The following DAB1 variants were observed in gnomAD, a reference collection of about 807,000 sequenced individuals.
DAB1 encodes the protein DAB adaptor protein 1, also known as disabled homolog 1.
A neutral mutation model predicts 64.6 loss-of-function variants in DAB1; 15 were observed. That is an observed-to-expected ratio of 0.23 (90% confidence interval 0.16 to 0.36). The LOEUF (loss-of-function observed/expected upper bound fraction) is 0.36, where lower values mean the gene tolerates loss of function less well. Ranked by LOEUF, DAB1 falls within the 10% of genes least tolerant of loss-of-function variation. The probability of loss-of-function intolerance (pLI) is 1.00; values close to 1 mark genes in which losing one functional copy is unlikely to be tolerated. For synonymous variants in DAB1, 235 were observed against 251.9 expected, an observed-to-expected ratio of 0.93 and a Z score of 0.64; for missense variants, 596 against 706.7, an observed-to-expected ratio of 0.84 and a Z score of 1.78.
intron 7 of DAB1, among the ~76,000 whole-genome samples, chr1:57,440,668 A>G (rs981141849): frequency 6.6e-6 from 1 of 152,190 alleles, no homozygotes; most frequent in East Asian, 1.9e-4. Flanking sequence ...CTGCCTTCTT[A>G]TATTTAGGGT....
At chr1:57,029,187 C>A (rs1009876072) in intron 9 of DAB1, among the ~76,000 whole-genome samples, 9 of 152,144 alleles carry the variant, frequency 5.9e-5, no homozygotes, top group East Asian at 1.9e-4. Context: ...TGAAAGGGAC[C>A]AATGTACAGC....
At chr1:57,182,155 G>A (rs1663033648) in intron 2 of DAB1, among the ~76,000 whole-genome samples, 1 of 152,154 alleles carries the variant, frequency 6.6e-6, no homozygotes, top group African/African-American at 2.4e-5. Context: ...AAATTGTTGG[G>A]ATTACAGGTG....
At chr1:58,020,898 G>A (rs987730164) in intron 5 of DAB1, among the ~76,000 whole-genome samples, 16 of 152,132 alleles carry the variant, frequency 1.1e-4, no homozygotes, top group African/African-American at 3.9e-4. Context: ...AGCTACTTGC[G>A]AGGCTGAGGC....
intron 1 of DAB1, among the ~76,000 whole-genome samples, chr1:57,875,999 C>A (rs929947928): frequency 5.3e-5 from 8 of 152,196 alleles, no homozygotes; most frequent in African/African-American, 1.9e-4. Flanking sequence ...ATTTATGGGG[C>A]ATCCAGCATA....
intron 7 of DAB1, among the ~76,000 whole-genome samples, chr1:57,432,334 T>C (rs550212284): frequency 3.4e-4 from 50 of 145,556 alleles, no homozygotes; most frequent in Non-Finnish European, 6.0e-4. Context: ...TACCTGGTAA[T>C]TTTTTTTTTT....
intron 12 of DAB1, among the ~76,000 whole-genome samples, chr1:57,012,587 G>A (rs942300371): frequency 2.6e-5 from 4 of 152,110 alleles, no homozygotes; most frequent in Admixed American, 2.0e-4. Flanking sequence ...GGATACTGAT[G>A]GGTCAGAGGA....
intron 5 of DAB1, among the ~76,000 whole-genome samples, chr1:57,985,639 T>C (rs946867095): frequency 4.4e-5 from 3 of 68,948 alleles, no homozygotes; most frequent in Non-Finnish European, 1.0e-4. Flanking sequence ...CAGTAGACCC[T>C]CAAGAAAGAA....
chr1:58,383,077 C>T (rs894225090), intron 3 of DAB1, among the ~76,000 whole-genome samples: 2 of 152,176 alleles, frequency 1.3e-5, no homozygotes, highest in African/African-American at 4.8e-5. Context: ...CAGGAATGAG[C>T]CAGTAGTATT....
intron 6 of DAB1, among the ~76,000 whole-genome samples, chr1:57,651,408 GA>G (rs1355543489): frequency 6.6e-6 from 1 of 151,976 alleles, no homozygotes; most frequent in Non-Finnish European, 1.5e-5. Flanking sequence ...CTGTTCAAGG[GA>G]AAAAAAGTTA....
At chr1:57,234,606 T>C (rs1667953173) in intron 2 of DAB1, among the ~76,000 whole-genome samples, 1 of 152,218 alleles carries the variant, frequency 6.6e-6, no homozygotes, top group Non-Finnish European at 1.5e-5. Flanking sequence ...ACCACAGATT[T>C]GGTAGTTTAA....
chr1:57,357,243 C>T (rs530309840), intron 1 of DAB1, among the ~76,000 whole-genome samples: 10 of 152,100 alleles, frequency 6.6e-5, no homozygotes, highest in Non-Finnish European at 1.3e-4. Context: ...AACCCCTATT[C>T]CTGCTCAGAG....
chr1:57,312,563 A>G (rs1025051001), intron 1 of DAB1, among the ~76,000 whole-genome samples: 2 of 152,248 alleles, frequency 1.3e-5, no homozygotes, highest in African/African-American at 4.8e-5. Context: ...GTGTCACATC[A>G]TAAGTGAAAT....
chr1:58,456,044 C>T (rs1407913262), intron 3 of DAB1, among the ~76,000 whole-genome samples: 2 of 152,232 alleles, frequency 1.3e-5, no homozygotes, highest in Non-Finnish European at 1.5e-5. Context: ...ATCTATAAAA[C>T]GGGCATCTAC....
intron 6 of DAB1, among the ~76,000 whole-genome samples, chr1:57,793,489 GC>G (rs1033173198): frequency 3.3e-5 from 5 of 152,126 alleles, no homozygotes; most frequent in African/African-American, 1.2e-4. Flanking sequence ...GATACAGTGG[GC>G]CATGATTTAC....
chr1:57,501,394 C>T (rs1644287863), intron 7 of DAB1, among the ~76,000 whole-genome samples: 1 of 152,150 alleles, frequency 6.6e-6, no homozygotes, highest in African/African-American at 2.4e-5. Context: ...AAAGCACCTG[C>T]CTGAGTGAGC....
chr1:57,350,410 T>C (rs1678486258), intron 1 of DAB1, among the ~76,000 whole-genome samples: 1 of 152,170 alleles, frequency 6.6e-6, no homozygotes, highest in African/African-American at 2.4e-5. Flanking sequence ...CCTAGTAGGT[T>C]CAAAGCTGTG....
At chr1:58,223,224 C>A (rs1445276729) in intron 4 of DAB1, among the ~76,000 whole-genome samples, 1 of 152,166 alleles carries the variant, frequency 6.6e-6, no homozygotes, top group Non-Finnish European at 1.5e-5. Flanking sequence ...TCTCTTTGAA[C>A]CCCGAATATC....
intron 4 of DAB1, among the ~76,000 whole-genome samples, chr1:58,245,290 T>C (rs1660479993): frequency 6.6e-6 from 1 of 152,138 alleles, no homozygotes; most frequent in Non-Finnish European, 1.5e-5. Flanking sequence ...TGGGATCAAC[T>C]CTTACATCTA....
chr1:57,657,253 A>G (rs1451281796), intron 6 of DAB1, among the ~76,000 whole-genome samples: 1 of 152,228 alleles, frequency 6.6e-6, no homozygotes, highest in Non-Finnish European at 1.5e-5. Flanking sequence ...GGGTTACCTC[A>G]TCTGCACATC....
Sources: gnomAD v4.1 joint callset for allele counts (sites outside exome capture counted in the v4.1 genomes callset) on GRCh38, gnomAD v4.1.1 for gene constraint, MANE v1.5 for transcripts, NCBI Gene and HGNC (gene_info 2026-07-23, HGNC 2026-07-21) for gene names.